Variants in CPT1A observed in about 807,000 individuals in gnomAD.
CPT1A encodes the protein carnitine palmitoyltransferase 1A.
In CPT1A, 64 loss-of-function variants were observed where a neutral mutation model predicts 100.8. The ratio of observed to expected loss-of-function variants is 0.63; its 90% confidence interval spans 0.52 to 0.78. The LOEUF (loss-of-function observed/expected upper bound fraction) is 0.78. Among genes scored for constraint, CPT1A ranks in the 30% least tolerant of loss-of-function variants. The probability of loss-of-function intolerance (pLI) is 0.00; values close to 1 mark genes in which losing one functional copy is unlikely to be tolerated. For synonymous variants in CPT1A, 363 were observed against 396.0 expected (o/e 0.92, Z 0.99); for missense variants, 802 against 1,034.1 (o/e 0.78, Z 3.08).
chr11:68,773,177 C>T, intron 14 of CPT1A, 88 bp downstream of exon 14: 1 of 1,592,498 alleles, frequency 6.3e-7, no homozygotes, highest in Non-Finnish European at 8.5e-7. Flanking sequence ...GGGTTTCGGG[C>T]CTTCCCTCCC....
intron 14 of CPT1A, among the ~76,000 whole-genome samples, chr11:68,766,687 C>T (rs1854813593): frequency 6.6e-6 from 1 of 151,940 alleles, no homozygotes; most frequent in Admixed American, 6.6e-5. Context: ...AGGGTTTCAC[C>T]ATGATGGCCA....
intron 12 of CPT1A, among the ~76,000 whole-genome samples, chr11:68,776,836 C>T (rs778796214): frequency 1.3e-5 from 2 of 152,230 alleles, no homozygotes; most frequent in Middle Eastern, 3.4e-3. Flanking sequence ...CTGAATTGTA[C>T]ACTTTTAAAG....
chr11:68,799,402 A>C, intron 5 of CPT1A, 47 bp from the exon 6 acceptor site: 1 of 1,598,692 alleles, frequency 6.3e-7, no homozygotes, highest in Non-Finnish European at 8.6e-7. Flanking sequence ...AAAACATATT[A>C]ATCAAAGCCT....
intron 1 of CPT1A, among the ~76,000 whole-genome samples, chr11:68,829,112 C>G (rs753685033): frequency 1.3e-5 from 2 of 152,186 alleles, no homozygotes; most frequent in African/African-American, 4.8e-5. Flanking sequence ...CTGAGAACGC[C>G]GGCACCTGCC....
Position 68,796,841 on chromosome 11 carries a change from G to A in CPT1A, c.771+15C>T, listed in dbSNP as rs1363098884. The A allele has an allele frequency of 6.2e-7, 1 of 1,613,298 alleles. No individual in the cohort carries two copies. Among genetic ancestry groups the A allele is most frequent in the Non-Finnish European group, 8.5e-7 (1 of 1,179,604 alleles). ...ACCGTCCTCGTCAGACAGCAGCCCG[G>A]GCGGGTGGACTCACCATGGCATAAT... On this transcript the variant is annotated intron_variant, in intron 7 of 18. Coordinates refer to ENST00000265641, the MANE Select transcript of CPT1A (RefSeq NM_001876.4).
intron 7 of CPT1A, among the ~76,000 whole-genome samples, chr11:68,796,628 A>G (rs1281128536): frequency 6.6e-6 from 1 of 152,132 alleles, no homozygotes; most frequent in Non-Finnish European, 1.5e-5. Context: ...CCAGAAACTT[A>G]TTTTTGCAAC....
At position 68,799,366 on chromosome 11, in the gene CPT1A, TG is replaced by T. The variant is rs113037606; in HGVS notation, c.556-12del. 3,855 of 1,520,574 alleles carry T rather than the reference TG, an allele frequency of 2.5e-3. 28 individuals are homozygous for T. The highest frequency in any genetic ancestry group is 0.025 in the African/African-American group (1,803 of 73,102). 94.2% of individuals were successfully genotyped at this position (1,520,574 alleles called of 1,614,324 possible). A position where few individuals can be genotyped will look rare whatever the true frequency, so the allele number is the denominator to read the frequency against. ...CACCGACTGTAGATACTGGGATTAT[TG>T]GGGGAAAAAAAAATCACCCAAGTTA... On this transcript the variant is annotated splice_polypyrimidine_tract_variant and intron_variant, in intron 5 of 18. Transcript: ENST00000265641.
intron 9 of CPT1A, among the ~76,000 whole-genome samples, chr11:68,788,630 T>TAAAAAAAAAAAAAAAAAAAAAAAAAA: frequency 3.6e-5 from 1 of 27,546 alleles, no homozygotes; most frequent in African/African-American, 1.4e-4. Context: ...CAAACAAAAG[T>TAAAAAAAAAAAAAAAAAAAAAAAAAA]AAAAAAAAAA....
At chr11:68,836,191 G>A (rs1199271388) in intron 1 of CPT1A, among the ~76,000 whole-genome samples, 2 of 152,166 alleles carry the variant, frequency 1.3e-5, no homozygotes, top group African/African-American at 4.8e-5. Context: ...AAAGAAACCA[G>A]GAAGCCCGGC....
intron 4 of CPT1A, 84 bp from the exon 5 acceptor site, chr11:68,804,185 A>T: frequency 9.6e-7 from 1 of 1,046,342 alleles, no homozygotes; most frequent in Non-Finnish European, 1.5e-6. Context: ...GAAGCTAAGC[A>T]GGGTCAGTCC....
At chr11:68,829,321 G>C (rs1856822124) in intron 1 of CPT1A, among the ~76,000 whole-genome samples, 1 of 152,146 alleles carries the variant, frequency 6.6e-6, no homozygotes, top group Admixed American at 6.5e-5. Flanking sequence ...GTCACCCCAG[G>C]GGCCGGCCTA....
chr11:68,762,559 A>C, intron 15 of CPT1A, 68 bp downstream of exon 15: 1 of 1,586,328 alleles, frequency 6.3e-7, no homozygotes, highest in Non-Finnish European at 8.6e-7. Flanking sequence ...AGCTGGAGTG[A>C]TGGCCTCCAG....
At chr11:68,764,198 G>A (rs987662821) in intron 14 of CPT1A, among the ~76,000 whole-genome samples, 3 of 152,222 alleles carry the variant, frequency 2.0e-5, no homozygotes, top group East Asian at 1.9e-4. Context: ...CAGCATCTGC[G>A]TGCTGCCCCA....
chr11:68,837,430 CCT>C (rs944109556), intron 1 of CPT1A, among the ~76,000 whole-genome samples: 5 of 152,292 alleles, frequency 3.3e-5, no homozygotes, highest in African/African-American at 4.8e-5. Context: ...CACAGGACCC[CCT>C]GAGTGAGCCA....
chr11:68,763,780 G>A (rs1174710133), intron 14 of CPT1A, among the ~76,000 whole-genome samples: 1 of 152,188 alleles, frequency 6.6e-6, no homozygotes, highest in Non-Finnish European at 1.5e-5. Context: ...GCGCTCACTC[G>A]TGGGGAGGGG....
chr11:68,834,977 C>T (rs961151093), intron 1 of CPT1A, among the ~76,000 whole-genome samples: 1 of 141,544 alleles, frequency 7.1e-6, no homozygotes, highest in African/African-American at 2.7e-5. Flanking sequence ...CCAGCCCGGG[C>T]GATAGGGCGA....
intron 4 of CPT1A, among the ~76,000 whole-genome samples, chr11:68,805,738 T>C (rs1856026060): frequency 6.6e-6 from 1 of 152,244 alleles, no homozygotes; most frequent in Admixed American, 6.5e-5. Context: ...GTTTCCATGA[T>C]GACCTGGTCC....
chr11:68,786,687 C>T (rs1050756660), intron 9 of CPT1A, among the ~76,000 whole-genome samples: 1 of 152,182 alleles, frequency 6.6e-6, no homozygotes, highest in Admixed American at 6.5e-5. Context: ...TGCCACCACA[C>T]CTGGCTAATT....
rs561693920 is a variant in CPT1A at position 68,795,399 on chromosome 11, T to C, written c.772-488A>G. On this transcript the variant is annotated intron_variant, in intron 7 of 18. Transcript: ENST00000265641. ...TTTGGAAGAGTCTATGTACACACCA[T>C]GTCCCCATTGATGTAGAAAGTGCCT... Among the ~76,000 whole-genome samples, 70 of 152,320 alleles carry C rather than the reference T, an allele frequency of 4.6e-4. 2 individuals are homozygous for C. The South Asian group carries it at 0.014, about 31-fold the overall frequency.
Sources: gnomAD v4.1 joint callset for allele counts (sites outside exome capture counted in the v4.1 genomes callset) on GRCh38, gnomAD v4.1.1 for gene constraint, MANE v1.5 for transcripts, NCBI Gene and HGNC (gene_info 2026-07-23, HGNC 2026-07-21) for gene names.